DLGAP2: variants seen among roughly 807,000 people sequenced by gnomAD.
DLGAP2 encodes the protein disks large-associated protein 2.
DLGAP2 carries 26 observed loss-of-function variants against 100.3 expected under a neutral mutation model. That is an observed-to-expected ratio of 0.26 (90% CI 0.19 to 0.36). The LOEUF (loss-of-function observed/expected upper bound fraction) is 0.36, where lower values mean the gene tolerates loss of function less well. Among genes scored for constraint, DLGAP2 ranks in the 10% least tolerant of loss-of-function variants. The pLI, the probability that DLGAP2 is intolerant of heterozygous loss-of-function variation, is 1.00. For synonymous variants in DLGAP2, 886 were observed against 630.1 expected, an observed-to-expected ratio of 1.41 and a Z score of -6.08; for missense variants, 1,858 against 1,453.2, an observed-to-expected ratio of 1.28 and a Z score of -4.53.
chr8:1,258,908 G>T, intron 3 of DLGAP2, 25 bp downstream of exon 3: 1 of 1,231,806 alleles, frequency 8.1e-7, no homozygotes, highest in Non-Finnish European at 1.0e-6. Flanking sequence ...TGCTGCCTGG[G>T]GTGGGCGGGG....
At chr8:1,380,951 A>AAC (rs1274258381) in intron 3 of DLGAP2, 8 of 139,452 alleles carry the variant, frequency 5.7e-5, no homozygotes, top group African/African-American at 9.0e-5. Flanking sequence ...AAAAAAAAAA[A>AAC]AAAAAAAAAC....
chr8:1,297,556 G>C (rs1160388880), intron 3 of DLGAP2, among the ~76,000 whole-genome samples: 9 of 120,716 alleles, frequency 7.5e-5, no homozygotes, highest in South Asian at 3.6e-4. Flanking sequence ...TGGCAGGCAT[G>C]AACAGACACC....
intron 3 of DLGAP2, among the ~76,000 whole-genome samples, chr8:1,382,089 C>G (rs1796110708): frequency 6.6e-6 from 1 of 152,122 alleles, no homozygotes; most frequent in South Asian, 2.1e-4. Flanking sequence ...TTTGACTCCC[C>G]CAGACTTTAC....
rs1049527027 is a variant in DLGAP2 at position 1,305,127 on chromosome 8, G to A, written c.106+46244G>A. Among the ~76,000 whole-genome samples the A allele has an allele frequency of 5.9e-5, 9 of 152,252 alleles. No homozygotes were observed. In the South Asian group the frequency reaches 1.7e-3, roughly 28 times the overall value. The stretch of plus-strand genomic sequence containing the variant: ...CCTGGGCTTTGGAGTCAGCAGCCTG[G>A]GTAAAAAAGCTTGCTCTGTCACTTC... On this transcript the variant is annotated intron_variant, in intron 3 of 14. Coordinates refer to ENST00000637795, the MANE Select transcript of DLGAP2 (RefSeq NM_001346810.2).
chr8:1,627,714 C>T (rs145649874), intron 7 of DLGAP2, among the ~76,000 whole-genome samples: 92 of 152,280 alleles, frequency 6.0e-4, no homozygotes, highest in African/African-American at 2.2e-3. Flanking sequence ...TTCTCTCTGA[C>T]TTACTGTGGA....
rs748316618 is a variant in DLGAP2, at chr8:1,321,182, T to C, written c.106+62299T>C. On this transcript the variant is annotated intron_variant, in intron 3 of 14. Transcript: ENST00000637795. ...GCCCGTATGTGTCTGCGTCCATGTG[T>C]CTCTACGTGTGCACGTGCATCCATG... Among the ~76,000 whole-genome samples, 78 of 149,716 alleles carry C rather than the reference T, an allele frequency of 5.2e-4. 1 individual carries two copies. In the Middle Eastern group the frequency reaches 0.022, roughly 43 times the overall value.
intron 1 of DLGAP2, among the ~76,000 whole-genome samples, chr8:850,599 G>C (rs202197319): frequency 6.6e-6 from 1 of 152,136 alleles, no homozygotes; most frequent in Non-Finnish European, 1.5e-5. Flanking sequence ...GCTGTTGCTT[G>C]AATAGCCCAA....
At position 1,464,423 on chromosome 8, in the gene DLGAP2, A is replaced by G. The variant is rs951437552; in HGVS notation, c.107-36943A>G. Among the ~76,000 whole-genome samples the G allele has an allele frequency of 3.9e-4, 53 of 135,398 alleles. 2 individuals carry two copies. The highest frequency in any genetic ancestry group is 8.2e-4 in the Admixed American group (11 of 13,368). The allele number at this position is 135,398 out of a possible 152,430, so 88.8% of individuals were successfully genotyped here. On this transcript the variant is annotated intron_variant, in intron 3 of 14. Transcript: ENST00000637795. The stretch of plus-strand genomic sequence containing the variant: ...CATCCTTCCAGGACAGCTCCCTTTC[A>G]GGCTGGCTTCCTTCCAGCTGAGCTC...
chr8:1,188,981 C>G lies in DLGAP2; in HGVS notation c.74-69870C>G, dbSNP rs1415608192. Among the ~76,000 whole-genome samples the G allele has an allele frequency of 2.0e-5, 3 of 150,350 alleles. 1 individual carries two copies. The highest frequency in any genetic ancestry group is 5.0e-5 in the African/African-American group (2 of 39,686). Reference sequence around the variant, plus strand: ...GTTGACCGTACACAGGGTTCGGGCCCCAGGCCGGTTCCGCGGTTGGGGTTG... The same window carrying G: ...GTTGACCGTACACAGGGTTCGGGCCGCAGGCCGGTTCCGCGGTTGGGGTTG... On this transcript the variant is annotated intron_variant, in intron 2 of 14. Coordinates refer to ENST00000637795, the MANE Select transcript of DLGAP2 (RefSeq NM_001346810.2).
At chr8:1,676,379 T>C (rs1056404439) in intron 10 of DLGAP2, among the ~76,000 whole-genome samples, 154 bp from the exon 11 acceptor site, 2 of 152,196 alleles carry the variant, frequency 1.3e-5, no homozygotes, top group African/African-American at 4.8e-5. Context: ...TGTGAATGCA[T>C]TTCCCTCTCT....
intron 3 of DLGAP2, among the ~76,000 whole-genome samples, chr8:1,325,962 C>G (rs1304025795): frequency 6.6e-6 from 1 of 152,134 alleles, no homozygotes; most frequent in Non-Finnish European, 1.5e-5. Flanking sequence ...AGCTATAAGG[C>G]CCATGGGAAT....
At chr8:1,595,529 C>A (rs554744361) in intron 6 of DLGAP2, among the ~76,000 whole-genome samples, 1 of 150,886 alleles carries the variant, frequency 6.6e-6, no homozygotes, top group Admixed American at 6.6e-5. Flanking sequence ...TAGCCGGGCA[C>A]GGTGGCGGGC....
chr8:1,237,290 C>A, intron 2 of DLGAP2, among the ~76,000 whole-genome samples: 1 of 129,484 alleles, frequency 7.7e-6, no homozygotes, highest in Admixed American at 7.5e-5. Flanking sequence ...CACATAGCGT[C>A]ATGTCTAGTT....
At chr8:1,640,006 C>G (rs567857957) in intron 8 of DLGAP2, among the ~76,000 whole-genome samples, 12 of 152,314 alleles carry the variant, frequency 7.9e-5, no homozygotes, top group African/African-American at 2.4e-4. Context: ...GTTCTGGGGA[C>G]TAGGATGCGG....
intron 1 of DLGAP2, among the ~76,000 whole-genome samples, chr8:848,272 TGTGGTGTGTGTTCCAATATAGAAA>T (rs1797108450): frequency 6.6e-6 from 1 of 151,908 alleles, no homozygotes; most frequent in South Asian, 2.1e-4. Flanking sequence ...TATAGGATCG[TGTGGTGTGTGTTCCAATATAGAAA>T]CGTGCGGTGC....
At chr8:1,632,492 C>G (rs957880130) in intron 7 of DLGAP2, among the ~76,000 whole-genome samples, 5 of 152,152 alleles carry the variant, frequency 3.3e-5, no homozygotes, top group Admixed American at 2.0e-4. Context: ...GATTCTGAAC[C>G]CTTCCTTTGT....
chr8:1,029,088 T>C (rs1248981980), intron 2 of DLGAP2, among the ~76,000 whole-genome samples: 2 of 152,018 alleles, frequency 1.3e-5, no homozygotes, highest in Admixed American at 6.6e-5. Context: ...TGAGGCTCTG[T>C]GAAGGGCTGC....
intron 1 of DLGAP2, among the ~76,000 whole-genome samples, chr8:879,798 C>G (rs561080219): frequency 1.3e-5 from 2 of 152,304 alleles, no homozygotes; most frequent in South Asian, 4.1e-4. Context: ...GCAGTGGATG[C>G]TGCTAAAAAT....
At chr8:1,697,443 CAT>C (rs1310569102) in intron 14 of DLGAP2, 144 bp downstream of exon 14, 6 of 1,199,740 alleles carry the variant, frequency 5.0e-6, no homozygotes, top group Non-Finnish European at 7.0e-6. Context: ...TATGTGTGCA[CAT>C]GTGTATACGC....
Sources: gnomAD v4.1 joint callset for allele counts (sites outside exome capture counted in the v4.1 genomes callset) on GRCh38, gnomAD v4.1.1 for gene constraint, MANE v1.5 for transcripts, NCBI Gene and HGNC (gene_info 2026-07-23, HGNC 2026-07-21) for gene names.